The following SRD5A3 variants were observed in gnomAD, a reference collection of about 807,000 sequenced individuals.
SRD5A3 encodes the protein polyprenal reductase.
Under a neutral mutation model 34.3 loss-of-function variants are expected in SRD5A3, and 24 were observed. That is an observed-to-expected ratio of 0.70 (90% CI 0.51 to 0.99). The LOEUF is 0.99. SRD5A3 is among the 50% of genes least tolerant of loss of function. The pLI is 0.00. For missense variants in SRD5A3, 350 were observed against 388.2 expected (o/e 0.90, Z 0.83); for synonymous variants, 161 against 167.3 (o/e 0.96, Z 0.29).
chr4:55,366,920 C>G (rs1022099986), intron 3 of SRD5A3: 1 of 152,694 alleles, frequency 6.5e-6, no homozygotes, highest in Non-Finnish European at 1.5e-5. Context: ...GAAGATGATG[C>G]TTTGAGTGTT....
intron 2 of SRD5A3, among the ~76,000 whole-genome samples, chr4:55,362,309 G>A (rs1158855147): frequency 1.3e-5 from 2 of 151,834 alleles, no homozygotes; most frequent in Non-Finnish European, 2.9e-5. Flanking sequence ...TGTATTTTTA[G>A]TAGAGACAGG....
At chr4:55,349,896 C>A (rs1719125281) in intron 1 of SRD5A3, among the ~76,000 whole-genome samples, 1 of 152,068 alleles carries the variant, frequency 6.6e-6, no homozygotes, top group African/African-American at 2.4e-5. Flanking sequence ...TTTAGCATTG[C>A]CTTAATTATG....
intron 1 of SRD5A3, chr4:55,359,129 G>C: frequency 1.8e-6 from 1 of 563,210 alleles, no homozygotes; most frequent in Non-Finnish European, 3.1e-6. Context: ...GTTAACCTCA[G>C]AGAGGCCTCT....
intron 2 of SRD5A3, 123 bp downstream of exon 2, chr4:55,359,611 G>A (rs1719602988): frequency 2.3e-6 from 3 of 1,293,826 alleles, no homozygotes; most frequent in Non-Finnish European, 3.2e-6. Context: ...CTGGGAAGTG[G>A]AGGATGAGGG....
chr4:55,370,092 G>A lies in SRD5A3; in HGVS notation c.*1G>A, dbSNP rs1288418981. On this transcript the variant is annotated 3_prime_UTR_variant, in exon 5 of 5. Coordinates refer to ENST00000264228, the MANE Select transcript of SRD5A3 (RefSeq NM_024592.5). ...AGCTTTCCTACCATTTTTGTTTTAA[G>A]TTAACCTCAGTCATGAAGAATGCAA... 1.2e-6 allele frequency: 2 copies of A among 1,612,766 alleles called. No homozygotes were observed. The highest frequency in any genetic ancestry group is 2.2e-5 in the East Asian group (1 of 44,888).
At chr4:55,358,996 G>A (rs1302880774) in intron 1 of SRD5A3, 9 of 335,600 alleles carry the variant, frequency 2.7e-5, no homozygotes, top group Non-Finnish European at 4.6e-5. Context: ...GCACAGTCTA[G>A]GTTCTCTTTG....
chr4:55,367,633 ATAT>A lies in SRD5A3; in HGVS notation c.610_612del (p.Ile204del). On this transcript the variant is annotated inframe_deletion, in exon 4 of 5. Coordinates refer to ENST00000264228, the MANE Select transcript of SRD5A3 (RefSeq NM_024592.5). ...CTATTGATGCAAGCACGGTGGTTCC[ATAT>A]TCTTGGGATGATGATGTTCATCTGG... 3 of 1,614,124 alleles carry A rather than the reference ATAT, an allele frequency of 1.9e-6. No homozygotes were observed. Among genetic ancestry groups the A allele is most frequent in the Non-Finnish European group, 2.5e-6 (3 of 1,180,014 alleles).
At chr4:55,355,357 C>T (rs903360901) in intron 1 of SRD5A3, among the ~76,000 whole-genome samples, 5 of 151,486 alleles carry the variant, frequency 3.3e-5, no homozygotes, top group African/African-American at 1.2e-4. Context: ...ACTCGGGGGG[C>T]TGAGGCAGGA....
intron 1 of SRD5A3, among the ~76,000 whole-genome samples, chr4:55,355,580 G>C (rs968343142): frequency 5.9e-5 from 9 of 152,156 alleles, no homozygotes; most frequent in Non-Finnish European, 1.0e-4. Flanking sequence ...GTAGAGCGCA[G>C]CACGGTGTAG....
intron 4 of SRD5A3, among the ~76,000 whole-genome samples, chr4:55,368,675 C>T (rs1286072202): frequency 6.6e-6 from 1 of 151,828 alleles, no homozygotes; most frequent in Admixed American, 6.6e-5. Context: ...ATCCACCCAC[C>T]TCGGCCTCCC....
At chr4:55,362,697 G>T (rs1719731223) in intron 2 of SRD5A3, among the ~76,000 whole-genome samples, 1 of 150,254 alleles carries the variant, frequency 6.7e-6, no homozygotes, top group East Asian at 2.0e-4. Context: ...GGTCTCAAGC[G>T]ATCCTCCAAC....
In SRD5A3 at chr4:55,346,386, C is replaced by T. The variant is rs1175656094; in HGVS notation, c.50C>T (p.Ala17Val). The T allele has an allele frequency of 1.3e-6, 2 of 1,574,834 alleles. No individual in the cohort carries two copies. Among genetic ancestry groups the T allele is most frequent in the Admixed American group, 1.8e-5 (1 of 55,694 alleles). The change falls in exon 1 of 5, where the codon GCG becomes GTG. Residue 17 changes from alanine to valine, a missense_variant. This residue lies in a region of SRD5A3 where 159 missense variants were observed against 149.1 expected (regional missense o/e 1.07). Coordinates refer to ENST00000264228, the MANE Select transcript of SRD5A3 (RefSeq NM_024592.5). ...AEHSALNPLR[A>V]VWLTLTAAFL... is the part of the protein sequence containing the mutation. ...CACTCGGCGCTGAACCCGCTGCGCG[C>T]GGTGTGGCTCACGCTGACCGCCGCC...
At chr4:55,362,380 C>G (rs112375112) in intron 2 of SRD5A3, among the ~76,000 whole-genome samples, 3,222 of 152,136 alleles carry the variant, frequency 0.021, 120 homozygotes, top group African/African-American at 0.074. Context: ...CCTGCCTCAG[C>G]CTCTCAAAGT....
rs541481603 is a variant in SRD5A3, at chr4:55,372,071, A to G, written c.*1980A>G. 6.6e-6 allele frequency: 1 copy of G among 152,278 alleles called. No homozygotes were observed. Among genetic ancestry groups the G allele is most frequent in the African/African-American group, 2.4e-5 (1 of 41,546 alleles). 9.4% of individuals were successfully genotyped at this position (152,278 alleles called of 1,614,324 possible). On this transcript the variant is annotated 3_prime_UTR_variant, in exon 5 of 5. Coordinates refer to ENST00000264228, the MANE Select transcript of SRD5A3 (RefSeq NM_024592.5). ...CTCAGTCTACTTAAATAAATGCCAT[A>G]TTTATTTTACTTATCATTTAGAATT...
At position 55,346,576 on chromosome 4, in the gene SRD5A3, C is replaced by T. The variant is rs562857447; in HGVS notation, c.221+19C>T. On this transcript the variant is annotated intron_variant, in intron 1 of 4. Coordinates refer to ENST00000264228, the MANE Select transcript of SRD5A3 (RefSeq NM_024592.5). ...CCAAGAGGTAACCGCGCCCCGGTCC[C>T]GAGCCGCGGTGGTCAAGGCGCTGAG... 1.2e-5 allele frequency: 18 copies of T among 1,561,200 alleles called. No individual in the cohort carries two copies. Among genetic ancestry groups the T allele is most frequent in the South Asian group, 2.3e-5 (2 of 85,586 alleles).
chr4:55,352,547 C>T (rs114306832), intron 1 of SRD5A3: 2 of 469,326 alleles, frequency 4.3e-6, no homozygotes, highest in African/African-American at 2.0e-5. Flanking sequence ...TTATATTTGT[C>T]TTGTTTGCTA....
rs945904831 is a variant in SRD5A3 at position 55,371,313 on chromosome 4, T to A, written c.*1222T>A. On this transcript the variant is annotated 3_prime_UTR_variant, in exon 5 of 5. Coordinates refer to ENST00000264228, the MANE Select transcript of SRD5A3 (RefSeq NM_024592.5). ...TAAAGTTTATACTTAAAATAGCTTA[T>A]GTTAAAGAAAATACCTGTGATTAAT... is the stretch of plus-strand genomic sequence containing the variant. The A allele has an allele frequency of 1.3e-5, 2 of 152,210 alleles. No individual in the cohort carries two copies. Among genetic ancestry groups the A allele is most frequent in the African/African-American group, 4.8e-5 (2 of 41,436 alleles). 9.4% of individuals were successfully genotyped at this position (152,210 alleles called of 1,614,324 possible). A position where few individuals can be genotyped will look rare whatever the true frequency, so the allele number is the denominator to read the frequency against.
intron 1 of SRD5A3, among the ~76,000 whole-genome samples, chr4:55,353,804 G>C (rs528821504): frequency 6.6e-6 from 1 of 152,272 alleles, no homozygotes; most frequent in African/African-American, 2.4e-5. Flanking sequence ...CTGGAAGGAA[G>C]AAACTCCAGA....
intron 2 of SRD5A3, among the ~76,000 whole-genome samples, chr4:55,362,310 T>C (rs2109477591): frequency 6.6e-6 from 1 of 152,156 alleles, no homozygotes; most frequent in East Asian, 1.9e-4. Flanking sequence ...GTATTTTTAG[T>C]AGAGACAGGG....
Sources: allele counts gnomAD v4.1 joint callset (sites outside exome capture counted in the v4.1 genomes callset), GRCh38; gene constraint gnomAD v4.1.1; regional missense constraint gnomAD v4.1.1; transcripts MANE v1.5; gene names NCBI Gene and HGNC (gene_info 2026-07-23, HGNC 2026-07-21).